Variants in SUSD1 observed in about 807,000 individuals in gnomAD.
The protein encoded by SUSD1 is sushi domain-containing protein 1.
Under a neutral mutation model 86.9 loss-of-function variants are expected in SUSD1, and 65 were observed. That is an observed-to-expected ratio of 0.75 (90% CI 0.61 to 0.92). SUSD1 has a LOEUF of 0.92. Ranked by LOEUF, SUSD1 falls within the 40% of genes least tolerant of loss-of-function variation. The probability of loss-of-function intolerance (pLI) is 0.00; values close to 1 mark genes in which losing one functional copy is unlikely to be tolerated. For missense variants in SUSD1, 850 were observed against 929.7 expected, an observed-to-expected ratio of 0.91 and a Z score of 1.11; for synonymous variants, 346 against 350.0, an observed-to-expected ratio of 0.99 and a Z score of 0.13.
intron 1 of SUSD1, among the ~76,000 whole-genome samples, chr9:112,166,476 G>C (rs1833831725): frequency 6.6e-6 from 1 of 152,170 alleles, no homozygotes; most frequent in South Asian, 2.1e-4. Context: ...CTCCCAGGTG[G>C]ACCACACAGA....
chr9:112,077,761 C>T (rs536327404), intron 12 of SUSD1, among the ~76,000 whole-genome samples: 1 of 152,040 alleles, frequency 6.6e-6, no homozygotes, highest in Non-Finnish European at 1.5e-5. Flanking sequence ...CCTCAGCTTC[C>T]CAAAGTGCTG....
chr9:112,085,568 A>G (rs570843107), intron 10 of SUSD1, among the ~76,000 whole-genome samples: 2 of 152,240 alleles, frequency 1.3e-5, no homozygotes, highest in Non-Finnish European at 2.9e-5. Context: ...ACTGTGCCAA[A>G]CTACTACCTA....
intron 10 of SUSD1, among the ~76,000 whole-genome samples, chr9:112,098,162 T>A (rs1830476897): frequency 6.6e-6 from 1 of 152,024 alleles, no homozygotes; most frequent in South Asian, 2.1e-4. Flanking sequence ...ACCCTTAGGG[T>A]TCAGTTGTCT....
rs551209022 is a variant in SUSD1 at position 112,112,003 on chromosome 9, C to G, written c.985-163G>C. The G allele has an allele frequency of 3.2e-5, 21 of 652,472 alleles. No homozygotes were observed. The African/African-American group carries it at 3.8e-4, about 12-fold the overall frequency. The allele number at this position is 652,472 out of a possible 1,614,324, so 40.4% of individuals were successfully genotyped here. ...GGTCTGCTGATAAAGTCTGATCAGC[C>G]CAGTGAATATTAAACCCCTAGAGGA... is the stretch of plus-strand genomic sequence containing the variant. On this transcript the variant is annotated intron_variant, in intron 7 of 16. Coordinates refer to ENST00000374270, the MANE Select transcript of SUSD1 (RefSeq NM_022486.5).
chr9:112,132,863 G>C (rs1286926633), intron 5 of SUSD1, among the ~76,000 whole-genome samples: 1 of 152,222 alleles, frequency 6.6e-6, no homozygotes, highest in African/African-American at 2.4e-5. Context: ...GAATTTGACT[G>C]TTGAGGTTGG....
intron 5 of SUSD1, among the ~76,000 whole-genome samples, chr9:112,138,244 T>TATATATATATGTGTATACAC (rs1832375170): frequency 1.0e-5 from 1 of 98,294 alleles, no homozygotes; most frequent in South Asian, 3.0e-4. Flanking sequence ...TGTGTATATA[T>TATATATATATGTGTATACAC]ATATATATAT....
At chr9:112,060,979 C>G (rs1460787722) in intron 13 of SUSD1, among the ~76,000 whole-genome samples, 3 of 152,160 alleles carry the variant, frequency 2.0e-5, no homozygotes, top group African/African-American at 7.2e-5. Context: ...TTAGCCTGAC[C>G]GTAATCACCT....
chr9:112,134,064 A>G (rs878986560), intron 5 of SUSD1, among the ~76,000 whole-genome samples: 1 of 152,156 alleles, frequency 6.6e-6, no homozygotes, highest in South Asian at 2.1e-4. Context: ...ACAAAAAATA[A>G]CAGATGCTGG....
At chr9:112,124,061 A>G (rs976350675) in intron 6 of SUSD1, among the ~76,000 whole-genome samples, 196 bp downstream of exon 6, 1 of 152,068 alleles carries the variant, frequency 6.6e-6, no homozygotes, top group Non-Finnish European at 1.5e-5. Context: ...AACATTTTCT[A>G]TCCAACTTAT....
At chr9:112,173,664 C>A (rs534636014) in intron 1 of SUSD1, 23 of 454,006 alleles carry the variant, frequency 5.1e-5, no homozygotes, top group South Asian at 3.7e-4. Context: ...AATGCGGGCA[C>A]GAGCACGTTT....
chr9:112,162,829 A>T (rs1833627799), intron 1 of SUSD1, among the ~76,000 whole-genome samples: 1 of 152,148 alleles, frequency 6.6e-6, no homozygotes, highest in Non-Finnish European at 1.5e-5. Flanking sequence ...TTTTCCTTGG[A>T]GTGCAGCAAT....
chr9:112,072,676 G>A (rs1164172267), intron 12 of SUSD1, among the ~76,000 whole-genome samples: 1 of 152,208 alleles, frequency 6.6e-6, no homozygotes, highest in African/African-American at 2.4e-5. Flanking sequence ...TTACTTGGGG[G>A]CTTGGGGTTT....
At position 112,080,072 on chromosome 9, in the gene SUSD1, A is replaced by G; in HGVS notation, c.1566+2T>C. ...TAAATACAGTAACTTTCAGTCACTT[A>G]CTAAATACATCTCCTCCATATCAGC... On this transcript the variant is annotated splice_donor_variant, in intron 11 of 16. Transcript: ENST00000374270. LOFTEE classifies it high-confidence loss of function. 6.2e-7 allele frequency: 1 copy of G among 1,608,266 alleles called. No individual in the cohort carries two copies.
At chr9:112,078,811 C>CATTTT in intron 11 of SUSD1, 87 bp from the exon 12 acceptor site, 2 of 640,372 alleles carry the variant, frequency 3.1e-6, no homozygotes, top group Non-Finnish European at 4.6e-6. Context: ...TTTTCTTTCT[C>CATTTT]TTTTTTTTTT....
chr9:112,132,672 A>G (rs189508883), intron 5 of SUSD1, among the ~76,000 whole-genome samples: 8 of 152,300 alleles, frequency 5.3e-5, no homozygotes, highest in Admixed American at 4.6e-4. Context: ...TCATCTGTGA[A>G]AGTGTTCTCT....
At chr9:112,097,003 G>T (rs150299585) in intron 10 of SUSD1, among the ~76,000 whole-genome samples, 30 of 143,942 alleles carry the variant, frequency 2.1e-4, no homozygotes, top group African/African-American at 7.2e-4. Flanking sequence ...AGGACAAGGT[G>T]CCAGGCTCAA....
At chr9:112,158,698 T>C (rs1048972065) in intron 1 of SUSD1, among the ~76,000 whole-genome samples, 9 of 152,094 alleles carry the variant, frequency 5.9e-5, no homozygotes, top group Admixed American at 5.9e-4. Flanking sequence ...GGCCCATTCC[T>C]CCATTCTTAA....
At chr9:112,127,676 A>G (rs1831837227) in intron 5 of SUSD1, among the ~76,000 whole-genome samples, 1 of 152,216 alleles carries the variant, frequency 6.6e-6, no homozygotes, top group African/African-American at 2.4e-5. Context: ...GCCCTCATGG[A>G]GCTTAGGGAG....
At chr9:112,165,007 C>G (rs1450472187) in intron 1 of SUSD1, among the ~76,000 whole-genome samples, 3 of 152,228 alleles carry the variant, frequency 2.0e-5, no homozygotes, top group Non-Finnish European at 4.4e-5. Context: ...CTTTGTTAAA[C>G]TGCAGGCTCC....
Sources: allele counts gnomAD v4.1 joint callset (sites outside exome capture counted in the v4.1 genomes callset), GRCh38; gene constraint gnomAD v4.1.1; transcripts MANE v1.5; gene names NCBI Gene and HGNC (gene_info 2026-07-23, HGNC 2026-07-21).